Variants in TOP6BL observed in about 807,000 individuals in gnomAD.
TOP6BL encodes the protein TOP6B like initiator of meiotic double strand breaks.
chr11:66,781,835 GTTCTGT>G, the TOP6BL span, among the ~76,000 whole-genome samples: 1 of 152,124 alleles, frequency 6.6e-6, no homozygotes, highest in Non-Finnish European at 1.5e-5. Flanking sequence ...TGGCCCTCAG[GTTCTGT>G]TTCTATTAGT....
At chr11:66,746,568 G>A in the TOP6BL span, among the ~76,000 whole-genome samples, 1 of 152,164 alleles carries the variant, frequency 6.6e-6, no homozygotes, top group African/African-American at 2.4e-5. Context: ...TACAAAATTA[G>A]CCAGGTGTGG....
the TOP6BL span, chr11:66,788,097 C>T: frequency 2.6e-6 from 3 of 1,171,480 alleles, no homozygotes; most frequent in Non-Finnish European, 3.8e-6. Context: ...ATAAACAAAT[C>T]CAGAAATCCT....
chr11:66,829,442 A>T, the TOP6BL span, among the ~76,000 whole-genome samples: 2 of 152,024 alleles, frequency 1.3e-5, no homozygotes, highest in Non-Finnish European at 2.9e-5. Flanking sequence ...CGGTGTGGCG[A>T]CATGCACCTG....
chr11:66,762,189 A>C, the TOP6BL span: 1 of 711,686 alleles, frequency 1.4e-6, no homozygotes, highest in Non-Finnish European at 2.5e-6. Flanking sequence ...TCTCCTTCGC[A>C]CGCCACACCC....
At chr11:66,790,046 G>GT in the TOP6BL span, among the ~76,000 whole-genome samples, 3 of 152,156 alleles carry the variant, frequency 2.0e-5, no homozygotes, top group African/African-American at 7.2e-5. Flanking sequence ...GCTGAGGCGG[G>GT]TGGATCATGA....
At chr11:66,842,977 G>A in the TOP6BL span, 1 of 1,550,444 alleles carries the variant, frequency 6.4e-7, no homozygotes, top group South Asian at 1.2e-5. Flanking sequence ...GGAAGCCACC[G>A]CGGCCCCCCT....
At chr11:66,795,213 T>G in the TOP6BL span, among the ~76,000 whole-genome samples, 1 of 151,922 alleles carries the variant, frequency 6.6e-6, no homozygotes, top group African/African-American at 2.4e-5. Flanking sequence ...AGTATATATA[T>G]AGCAACTGCA....
chr11:66,783,629 T>G, the TOP6BL span, among the ~76,000 whole-genome samples: 2 of 152,192 alleles, frequency 1.3e-5, no homozygotes, highest in East Asian at 3.8e-4. Context: ...TTTTCGAAAT[T>G]TAGCCTGCTT....
chr11:66,809,685 A>G, the TOP6BL span, among the ~76,000 whole-genome samples: 9 of 152,146 alleles, frequency 5.9e-5, no homozygotes, highest in African/African-American at 2.2e-4. Context: ...CAGATAGAAG[A>G]TATGTGAGTG....
chr11:66,799,990 A>G, the TOP6BL span, among the ~76,000 whole-genome samples: 1 of 151,104 alleles, frequency 6.6e-6, no homozygotes, highest in East Asian at 2.0e-4. Flanking sequence ...CTGGGGTGGG[A>G]GGATCACTTG....
chr11:66,749,547 C>T, the TOP6BL span, among the ~76,000 whole-genome samples: 1 of 151,992 alleles, frequency 6.6e-6, no homozygotes, highest in Non-Finnish European at 1.5e-5. Flanking sequence ...TGTCTCTGAG[C>T]TTTAAGTAAT....
the TOP6BL span, among the ~76,000 whole-genome samples, chr11:66,777,091 A>G: frequency 1.4e-5 from 2 of 146,180 alleles, no homozygotes; most frequent in South Asian, 4.2e-4. Context: ...ATATATCTAT[A>G]TATCTATATC....
At chr11:66,780,329 C>T in the TOP6BL span, among the ~76,000 whole-genome samples, 1 of 152,040 alleles carries the variant, frequency 6.6e-6, no homozygotes, top group African/African-American at 2.4e-5. Context: ...CTTTTATATT[C>T]ACTTATTTAT....
At chr11:66,823,288 C>T in the TOP6BL span, among the ~76,000 whole-genome samples, 1 of 141,680 alleles carries the variant, frequency 7.1e-6, no homozygotes, top group Non-Finnish European at 1.5e-5. Flanking sequence ...CAGCGAGACT[C>T]CACCTCAAAA....
At chr11:66,749,908 CGTG>C in the TOP6BL span, among the ~76,000 whole-genome samples, 2 of 152,026 alleles carry the variant, frequency 1.3e-5, no homozygotes, top group Non-Finnish European at 2.9e-5. Context: ...GGGTAGGAAA[CGTG>C]GTGATACATG....
chr11:66,833,852 A>G, the TOP6BL span, among the ~76,000 whole-genome samples: 8 of 152,004 alleles, frequency 5.3e-5, no homozygotes, highest in Admixed American at 1.3e-4. Flanking sequence ...GGAGGGTGAG[A>G]CATGAGAATC....
At chr11:66,782,282 C>A in the TOP6BL span, among the ~76,000 whole-genome samples, 826 of 152,276 alleles carry the variant, frequency 5.4e-3, 4 homozygotes, top group African/African-American at 0.019. Flanking sequence ...GGCCTGAAGG[C>A]CAACATTTTT....
At chr11:66,784,463 G>A in the TOP6BL span, among the ~76,000 whole-genome samples, 1 of 152,186 alleles carries the variant, frequency 6.6e-6, no homozygotes, top group African/African-American at 2.4e-5. Flanking sequence ...CTTCCTGCCT[G>A]TATAACTGTT....
At chr11:66,761,686 T>C in the TOP6BL span, 5 of 937,688 alleles carry the variant, frequency 5.3e-6, no homozygotes, top group Middle Eastern at 2.3e-4. Context: ...TGTCCACCCC[T>C]TGGTCCGCAA....
Sources: gnomAD v4.1 joint callset for allele counts (sites outside exome capture counted in the v4.1 genomes callset) on GRCh38, gnomAD v4.1.1 for gene constraint, MANE v1.5 for transcripts, NCBI Gene and HGNC (gene_info 2026-07-23, HGNC 2026-07-21) for gene names.